Variants in ACTR3C observed in about 807,000 individuals in gnomAD.
ACTR3C encodes actin-related protein 3C.
In ACTR3C, 18 loss-of-function variants were observed where a neutral mutation model predicts 26.3. The ratio of observed to expected loss-of-function variants is 0.68; its 90% CI spans 0.47 to 1.01. The LOEUF is 1.01. Among genes scored for constraint, ACTR3C ranks in the 50% least tolerant of loss-of-function variants. The pLI is 0.00. For missense variants in ACTR3C, 184 were observed against 250.7 expected, an observed-to-expected ratio of 0.73 and a Z score of 1.80; for synonymous variants, 55 against 94.5, an observed-to-expected ratio of 0.58 and a Z score of 2.42.
the ACTR3C span, among the ~76,000 whole-genome samples, chr7:149,941,519 TG>T: frequency 2.0e-5 from 3 of 152,168 alleles, no homozygotes; most frequent in African/African-American, 7.2e-5. Context: ...CAGGGAGGGA[TG>T]CTTGTTTAAC....
At chr7:150,147,764 G>T in the ACTR3C span, among the ~76,000 whole-genome samples, 29,963 of 151,468 alleles carry the variant, frequency 0.2, 3,508 homozygotes, top group East Asian at 0.44. Context: ...GCTGCAGGAC[G>T]TTTCAGTCCA....
At chr7:149,969,290 TGTGTGTGTGTGTGTGTGTG>T in the ACTR3C span, among the ~76,000 whole-genome samples, 1 of 13,406 alleles carries the variant, frequency 7.5e-5, no homozygotes, top group Non-Finnish European at 8.8e-4. Flanking sequence ...TGTGTGTGTG[TGTGTGTGTGTGTGTGTGTG>T]TGTGTGTGTG....
the ACTR3C span, among the ~76,000 whole-genome samples, chr7:149,969,028 T>TC: frequency 1.3e-5 from 2 of 151,916 alleles, no homozygotes; most frequent in Admixed American, 1.3e-4. Flanking sequence ...AGATTTCAGC[T>TC]TCTCTCTGTG....
chr7:150,132,118 T>C, the ACTR3C span, among the ~76,000 whole-genome samples: 1 of 152,184 alleles, frequency 6.6e-6, no homozygotes, highest in African/African-American at 2.4e-5. Context: ...GCAATGGAAG[T>C]GGCATTAGTT....
chr7:150,284,750 T>C lies in ACTR3C; in HGVS notation c.564+3A>G, dbSNP rs1835631888. On this transcript the variant is annotated splice_donor_region_variant and intron_variant, in intron 6 of 7. Transcript: ENST00000683684. ...CAAAGTACCTTACCCATGCAGCTCA[T>C]ACCTTATACAGCGGACGCCGCACAT... 1.9e-6 allele frequency: 3 copies of C among 1,606,820 alleles called. No homozygotes were observed. The highest frequency in any genetic ancestry group is 2.2e-5 in the South Asian group (2 of 89,082).
the ACTR3C span, among the ~76,000 whole-genome samples, chr7:150,016,855 G>A: frequency 0.023 from 3,481 of 152,208 alleles, 162 homozygotes; most frequent in African/African-American, 0.079. Context: ...TAACATCAAG[G>A]CCGCTTTGGT....
At chr7:149,932,845 C>A in the ACTR3C span, among the ~76,000 whole-genome samples, 1,295 of 151,100 alleles carry the variant, frequency 8.6e-3, 77 homozygotes, top group East Asian at 0.15. Context: ...TGGCCCAAGA[C>A]CTGAACCTGA....
the ACTR3C span, among the ~76,000 whole-genome samples, chr7:150,038,431 C>T: frequency 2.1e-5 from 3 of 143,004 alleles, 1 homozygote; most frequent in South Asian, 4.3e-4. Context: ...GAAAAACTTG[C>T]TGTTGTTGGG....
the ACTR3C span, among the ~76,000 whole-genome samples, chr7:149,893,788 G>A: frequency 2.0e-5 from 3 of 152,098 alleles, no homozygotes; most frequent in African/African-American, 2.4e-5. Context: ...ATGAAAGTAC[G>A]ACTCTGTAGC....
At chr7:150,091,817 C>A in the ACTR3C span, among the ~76,000 whole-genome samples, 251 of 149,588 alleles carry the variant, frequency 1.7e-3, no homozygotes, top group Non-Finnish European at 2.4e-3. Context: ...ACCGTCTCTA[C>A]TAAAAATACA....
intron 1 of ACTR3C, among the ~76,000 whole-genome samples, chr7:150,317,112 C>T (rs1367288311): frequency 1.3e-5 from 2 of 151,818 alleles, no homozygotes; most frequent in African/African-American, 2.4e-5. Context: ...TGTGCAATGG[C>T]GTGATCTCGG....
chr7:150,100,104 T>C, the ACTR3C span, among the ~76,000 whole-genome samples: 2 of 151,660 alleles, frequency 1.3e-5, no homozygotes, highest in African/African-American at 4.9e-5. Context: ...CTGGAACCTC[T>C]GTACTCAGCC....
At chr7:149,998,254 A>G in the ACTR3C span, among the ~76,000 whole-genome samples, 1 of 151,310 alleles carries the variant, frequency 6.6e-6, no homozygotes, top group Admixed American at 6.6e-5. Flanking sequence ...AGTGTGTTAG[A>G]CAAAATCTTT....
chr7:149,938,170 C>T, the ACTR3C span, among the ~76,000 whole-genome samples: 6 of 152,190 alleles, frequency 3.9e-5, no homozygotes, highest in Non-Finnish European at 5.9e-5. Flanking sequence ...AAAGCTGACT[C>T]GCTGCTTAAT....
the ACTR3C span, among the ~76,000 whole-genome samples, chr7:150,220,102 G>C: frequency 6.8e-6 from 1 of 147,614 alleles, no homozygotes; most frequent in Non-Finnish European, 1.5e-5. Context: ...CTCAGTCACC[G>C]ACCCCTGCAA....
the ACTR3C span, among the ~76,000 whole-genome samples, chr7:150,043,273 C>T: frequency 4.0e-5 from 6 of 151,148 alleles, no homozygotes; most frequent in Admixed American, 6.6e-5. Context: ...CCCCGATGGG[C>T]GTCCTAAGCC....
chr7:150,190,595 G>C, the ACTR3C span, among the ~76,000 whole-genome samples: 1 of 152,100 alleles, frequency 6.6e-6, no homozygotes, highest in Admixed American at 6.5e-5. Flanking sequence ...CCATTTGTTG[G>C]AAAGACTGCC....
the ACTR3C span, among the ~76,000 whole-genome samples, chr7:150,088,698 G>T: frequency 6.6e-6 from 1 of 152,072 alleles, no homozygotes; most frequent in Non-Finnish European, 1.5e-5. Flanking sequence ...CTATCATTTT[G>T]TACAGTTTCA....
chr7:150,258,037 A>G (rs1282649943), intron 6 of ACTR3C, among the ~76,000 whole-genome samples: 1 of 152,222 alleles, frequency 6.6e-6, no homozygotes, highest in African/African-American at 2.4e-5. Flanking sequence ...CAGGGACTTG[A>G]GGAGATGGTT....
Sources: allele counts gnomAD v4.1 joint callset (sites outside exome capture counted in the v4.1 genomes callset), GRCh38; gene constraint gnomAD v4.1.1; transcripts MANE v1.5; gene names NCBI Gene and HGNC (gene_info 2026-07-23, HGNC 2026-07-21).